The following AGBL2 variants were observed in gnomAD, a reference collection of about 807,000 sequenced individuals.
AGBL2 encodes AGBL carboxypeptidase 2, also known as cytosolic carboxypeptidase 2.
AGBL2 carries 87 observed loss-of-function variants against 103.0 expected under a neutral mutation model. The observed-to-expected ratio is 0.84, with a 90% CI of 0.71 to 1.01. The LOEUF is 1.01. AGBL2 is among the 50% of genes least tolerant of loss of function. AGBL2 has a pLI of 0.00. For synonymous variants in AGBL2, 335 were observed against 356.7 expected (o/e 0.94, Z 0.69); for missense variants, 904 against 1,023.5 (o/e 0.88, Z 1.59).
At chr11:47,664,434 C>T (rs1235744459) in intron 17 of AGBL2, among the ~76,000 whole-genome samples, 5 of 146,338 alleles carry the variant, frequency 3.4e-5, no homozygotes, top group Admixed American at 1.4e-4. Context: ...TTTTTTAAGA[C>T]GGGGTTTCGC....
chr11:47,676,922 T>C (rs893249452), intron 14 of AGBL2, among the ~76,000 whole-genome samples: 1 of 152,116 alleles, frequency 6.6e-6, no homozygotes, highest in Non-Finnish European at 1.5e-5. Context: ...GGCAAAGGCT[T>C]TGCAGTTCCC....
chr11:47,672,143 A>G (rs2097359505), intron 14 of AGBL2, among the ~76,000 whole-genome samples: 1 of 152,078 alleles, frequency 6.6e-6, no homozygotes, highest in African/African-American at 2.4e-5. Flanking sequence ...TAGAAATGGG[A>G]TCTCACTATG....
chr11:47,698,431 C>A (rs2097485397), intron 8 of AGBL2, among the ~76,000 whole-genome samples: 1 of 152,200 alleles, frequency 6.6e-6, no homozygotes, highest in Non-Finnish European at 1.5e-5. Context: ...CTCGGCCTCC[C>A]AAAGTGCTGG....
intron 2 of AGBL2, 68 bp from the exon 3 acceptor site, chr11:47,714,415 C>T: frequency 1.3e-6 from 2 of 1,489,224 alleles, no homozygotes; most frequent in Non-Finnish European, 1.9e-6. Flanking sequence ...ACAAAAAGTA[C>T]ATGAGCGTTG....
chr11:47,704,482 CAAAAAAA>C, intron 7 of AGBL2, 54 bp downstream of exon 7: 2 of 1,072,848 alleles, frequency 1.9e-6, no homozygotes, highest in Non-Finnish European at 2.5e-6. Context: ...GACTTCGTCT[CAAAAAAA>C]AAAAAAAAAA....
chr11:47,661,039 C>T (rs2097326571), intron 18 of AGBL2, among the ~76,000 whole-genome samples: 1 of 152,054 alleles, frequency 6.6e-6, no homozygotes, highest in African/African-American at 2.4e-5. Context: ...ACACAAGTAT[C>T]ACACTATAAA....
intron 9 of AGBL2, among the ~76,000 whole-genome samples, 159 bp downstream of exon 9, chr11:47,691,944 G>T (rs1218562113): frequency 1.3e-5 from 2 of 149,792 alleles, no homozygotes; most frequent in African/African-American, 2.5e-5. Context: ...ATTTTATTTT[G>T]GGGAAAAAAT....
chr11:47,694,588 C>A (rs1175037550), intron 8 of AGBL2, among the ~76,000 whole-genome samples: 1 of 152,100 alleles, frequency 6.6e-6, no homozygotes, highest in Non-Finnish European at 1.5e-5. Context: ...TCTTTAAATA[C>A]ACTTTAAAAT....
intron 7 of AGBL2, 21 bp from the exon 8 acceptor site, chr11:47,699,574 A>C (rs1240565132): frequency 1.4e-6 from 2 of 1,416,198 alleles, no homozygotes; most frequent in Admixed American, 3.7e-5. Flanking sequence ...ACATTTTAAA[A>C]AGTACAAAAT....
chr11:47,710,499 C>G lies in AGBL2; in HGVS notation c.110G>C (p.Ser37Thr), dbSNP rs762455633. 8 of 1,614,020 alleles carry G rather than the reference C, an allele frequency of 5.0e-6. No homozygotes were observed. The highest frequency in any genetic ancestry group is 5.9e-6 in the Non-Finnish European group (7 of 1,180,036). ...CTGATGCGTAGCAGAGTTTGGTAAA[C>G]TGCCTCTCTGAGCTAAAAATTGGCA... ...YYGYFKAQRG[S>T]LPNSATHQHV... Residue 37 changes from serine (S) to threonine (T), a missense_variant, in exon 4 of 19, where the codon AGT becomes ACT. Coordinates refer to ENST00000525123, the MANE Select transcript of AGBL2 (RefSeq NM_024783.4).
chr11:47,697,540 CTTTTTTTTTTTT>C (rs56014951), intron 8 of AGBL2, among the ~76,000 whole-genome samples: 67 of 50,420 alleles, frequency 1.3e-3, no homozygotes, highest in African/African-American at 4.6e-3. Flanking sequence ...GCCAAGCCTA[CTTTTTTTTTTTT>C]TTTTTTTTTT....
intron 10 of AGBL2, among the ~76,000 whole-genome samples, chr11:47,687,137 A>T (rs1054919860): frequency 5.3e-4 from 68 of 128,254 alleles, no homozygotes; most frequent in African/African-American, 9.9e-4. Flanking sequence ...ATAATAATAA[A>T]AAAATAAATA....
intron 3 of AGBL2, among the ~76,000 whole-genome samples, chr11:47,711,985 A>T (rs1222566699): frequency 6.6e-6 from 1 of 152,176 alleles, no homozygotes; most frequent in Non-Finnish European, 1.5e-5. Flanking sequence ...AGGTAGGAGG[A>T]TCGCTTAAGC....
intron 4 of AGBL2, among the ~76,000 whole-genome samples, chr11:47,708,378 T>C (rs570609276): frequency 1.3e-5 from 2 of 151,784 alleles, no homozygotes; most frequent in African/African-American, 2.4e-5. Context: ...CAATCATCTT[T>C]TATTAACACT....
chr11:47,712,974 G>A (rs1156911674), intron 3 of AGBL2, among the ~76,000 whole-genome samples: 2 of 151,972 alleles, frequency 1.3e-5, no homozygotes, highest in Non-Finnish European at 2.9e-5. Context: ...CCCGCGAGGT[G>A]GAAGTTGCAG....
intron 10 of AGBL2, among the ~76,000 whole-genome samples, chr11:47,688,910 A>G (rs970353522): frequency 1.3e-5 from 2 of 151,828 alleles, no homozygotes; most frequent in African/African-American, 4.8e-5. Context: ...TAATTTTTCT[A>G]TTTTTAGTAG....
intron 3 of AGBL2, 35 bp downstream of exon 3, chr11:47,714,249 A>G: frequency 6.4e-7 from 1 of 1,567,886 alleles, no homozygotes; most frequent in Non-Finnish European, 8.8e-7. Flanking sequence ...TCTTGAGTCC[A>G]GGAAAGGTGA....
chr11:47,690,976 A>G (rs1405892308), intron 9 of AGBL2, 118 bp from the exon 10 acceptor site: 3 of 799,860 alleles, frequency 3.8e-6, no homozygotes, highest in African/African-American at 3.5e-5. Flanking sequence ...AAAATCTGCT[A>G]CCTTAATCAT....
chr11:47,666,914 T>C, intron 17 of AGBL2, 42 bp downstream of exon 17: 1 of 1,271,916 alleles, frequency 7.9e-7, no homozygotes, highest in Non-Finnish European at 1.1e-6. Flanking sequence ...TTCGAGAGGT[T>C]AGAGAATCTG....
Sources: allele counts gnomAD v4.1 joint callset (sites outside exome capture counted in the v4.1 genomes callset), GRCh38; gene constraint gnomAD v4.1.1; transcripts MANE v1.5; gene names NCBI Gene and HGNC (gene_info 2026-07-23, HGNC 2026-07-21).